The following TCTN3 variants were observed in gnomAD, a reference collection of about 807,000 sequenced individuals.
The protein encoded by TCTN3 is tectonic family member 3.
TCTN3 carries 57 observed loss-of-function variants against 71.3 expected under a neutral mutation model. The ratio of observed to expected loss-of-function variants is 0.80; its 90% confidence interval spans 0.65 to 1.00. The LOEUF (loss-of-function observed/expected upper bound fraction) is 1.00. TCTN3 is among the 50% of genes least tolerant of loss of function. The pLI is 0.00. For missense variants in TCTN3, 696 were observed against 719.9 expected (o/e 0.97, Z 0.38); for synonymous variants, 258 against 267.8 (o/e 0.96, Z 0.36).
chr10:95,675,371 T>C (rs1294797934), intron 13 of TCTN3, among the ~76,000 whole-genome samples: 1 of 152,164 alleles, frequency 6.6e-6, no homozygotes, highest in Non-Finnish European at 1.5e-5. Flanking sequence ...GGATTACAGG[T>C]GTGAGCCACC....
At chr10:95,674,296 T>C (rs1303805504) in intron 13 of TCTN3, among the ~76,000 whole-genome samples, 1 of 152,186 alleles carries the variant, frequency 6.6e-6, no homozygotes, top group Non-Finnish European at 1.5e-5. Flanking sequence ...ATATTGTAAA[T>C]GAAACTGAAT....
At position 95,693,472 on chromosome 10, in the gene TCTN3, T is replaced by C. The variant is rs1191521481; in HGVS notation, c.261A>G (p.Leu87=). 2 of 1,552,176 alleles carry C rather than the reference T, an allele frequency of 1.3e-6. No homozygotes were observed. The highest frequency in any genetic ancestry group is 4.9e-5 in the East Asian group (2 of 40,920). Residue 87 remains leucine (L), a synonymous_variant, in exon 2 of 14, where the codon TTA becomes TTG. Transcript: ENST00000371217. ...GNRTVDLFPV[L]PICVCDLTPG... ...GAGTCAAGTCACAGACACAGATCGG[T>C]AAGACTATGAAAGTACGACACAGAG...
At chr10:95,675,275 T>G (rs911207476) in intron 13 of TCTN3, among the ~76,000 whole-genome samples, 1 of 152,104 alleles carries the variant, frequency 6.6e-6, no homozygotes, top group African/African-American at 2.4e-5. Flanking sequence ...GTATTTTCAA[T>G]AGAGACAGGG....
intron 12 of TCTN3, among the ~76,000 whole-genome samples, chr10:95,681,574 T>C (rs946453123): frequency 6.6e-6 from 1 of 152,190 alleles, no homozygotes; most frequent in South Asian, 2.1e-4. Flanking sequence ...GCCTCGAAAG[T>C]TTCCAGAATA....
At chr10:95,692,475 C>T (rs571260550) in intron 3 of TCTN3, among the ~76,000 whole-genome samples, 45 of 151,640 alleles carry the variant, frequency 3.0e-4, no homozygotes, top group Non-Finnish European at 5.3e-4. Context: ...CACTGCACTG[C>T]ACTCCTGGCG....
intron 3 of TCTN3, among the ~76,000 whole-genome samples, chr10:95,691,326 G>GT (rs1156378752): frequency 1.3e-5 from 2 of 151,918 alleles, no homozygotes; most frequent in African/African-American, 2.4e-5. Context: ...ATAATTTTTT[G>GT]TTTTTTTAGT....
intron 12 of TCTN3, among the ~76,000 whole-genome samples, chr10:95,682,150 G>A (rs2097943592): frequency 6.7e-6 from 1 of 149,888 alleles, no homozygotes; most frequent in Admixed American, 6.7e-5. Flanking sequence ...AGCCATGATT[G>A]TGCCACTGCA....
At position 95,683,085 on chromosome 10, in the gene TCTN3, G is replaced by A. The variant is rs777492522; in HGVS notation, c.1298+16C>T. 26 of 1,606,026 alleles carry A rather than the reference G, an allele frequency of 1.6e-5. No individual in the cohort carries two copies. Among genetic ancestry groups the A allele is most frequent in the East Asian group, 8.9e-5 (4 of 44,834 alleles). On this transcript the variant is annotated intron_variant, in intron 11 of 13. Transcript: ENST00000371217. ...TTCCCGAAATTGCAGGAAATGATGC[G>A]GAAGCAAAGAACTACCTGAGCTTGC...
In TCTN3 at chr10:95,683,167, C is replaced by G. The variant is rs140405704; in HGVS notation, c.1232G>C (p.Gly411Ala). 6 of 1,613,942 alleles carry G rather than the reference C, an allele frequency of 3.7e-6. No individual in the cohort carries two copies. The African/African-American group carries it at 8.0e-5, about 22-fold the overall frequency. ...SMTLLQSQGN[G>A]SCSVKRHEVQ... The stretch of plus-strand genomic sequence containing the variant: ...TTCATGTCTTTTAACAGAGCAACTT[C>G]CATTACCCTGGCTCTGTAAGAGGGT... Residue 411 changes from glycine (G) to alanine (A), a missense_variant, in exon 11 of 14, where the codon GGA (glycine) becomes GCA (alanine). Physicochemically the swap from Gly to Ala is moderately conservative, Grantham distance 60. Coordinates refer to ENST00000371217, the MANE Select transcript of TCTN3 (RefSeq NM_015631.6).
chr10:95,680,021 TA>T lies in TCTN3; in HGVS notation c.1590+450del, dbSNP rs1211798246. ...CAATAGGTATATGTTTGCTACAGAT[TA>T]AAAGTGTTCATTTAATGGAGCAGAT... On this transcript the variant is annotated intron_variant, in intron 13 of 13. Coordinates refer to ENST00000371217, the MANE Select transcript of TCTN3 (RefSeq NM_015631.6). Among the ~76,000 whole-genome samples, 5 of 152,352 alleles carry T rather than the reference TA, an allele frequency of 3.3e-5. No individual in the cohort carries two copies. The East Asian group carries it at 9.6e-4, about 29-fold the overall frequency.
chr10:95,674,108 TACCTTCTAGGA>T (rs2097934317), intron 13 of TCTN3, among the ~76,000 whole-genome samples: 1 of 152,216 alleles, frequency 6.6e-6, no homozygotes, highest in African/African-American at 2.4e-5. Flanking sequence ...TCTACAAAAA[TACCTTCTAGGA>T]TTTTATTGGG....
chr10:95,665,403 C>G (rs1339147692), intron 13 of TCTN3, among the ~76,000 whole-genome samples: 1 of 152,110 alleles, frequency 6.6e-6, no homozygotes, highest in African/African-American at 2.4e-5. Context: ...CTCAGCCTCC[C>G]AAGTAGCTGG....
At chr10:95,692,899 A>C (rs764194004) in intron 3 of TCTN3, 21 bp downstream of exon 3, 1 of 1,554,484 alleles carries the variant, frequency 6.4e-7, no homozygotes, top group East Asian at 2.2e-5. Context: ...AAATGAGAAC[A>C]ACCAACATGT....
intron 7 of TCTN3, among the ~76,000 whole-genome samples, chr10:95,686,284 A>ACTT (rs1555270175): frequency 6.6e-6 from 1 of 152,194 alleles, no homozygotes; most frequent in African/African-American, 2.4e-5. Context: ...ATGTTTACAA[A>ACTT]CTTATCTAAC....
In TCTN3 at chr10:95,687,337, T is replaced by G. The variant is rs1159511735; in HGVS notation, c.646A>C (p.Thr216Pro). The G allele has an allele frequency of 6.2e-7, 1 of 1,613,590 alleles. No individual in the cohort carries two copies. The highest frequency in any genetic ancestry group is 1.1e-5 in the South Asian group (1 of 90,968). The change falls in exon 5 of 14, where the codon ACT becomes CCT. Residue 216 changes from threonine to proline, a missense_variant. Thr to Pro is a conservative substitution (Grantham distance 38, BLOSUM62 -1). Coordinates refer to ENST00000371217, the MANE Select transcript of TCTN3 (RefSeq NM_015631.6). ...ATTACAGACCACTTGGGGAAGTAAG[T>G]AAGAATGGGGTCCCCAGCCTGAATA... is the stretch of plus-strand genomic sequence containing the variant. ...SFYRAGDPIL[T>P]YFPKWSVISL... is the part of the protein sequence containing the mutation.
intron 13 of TCTN3, among the ~76,000 whole-genome samples, chr10:95,666,215 A>G (rs1005334806): frequency 5.3e-5 from 8 of 150,754 alleles, no homozygotes; most frequent in Non-Finnish European, 1.2e-4. Flanking sequence ...TGCTGGGATT[A>G]CAGGTGTGAG....
At chr10:95,668,728 G>A (rs1297427880) in intron 13 of TCTN3, among the ~76,000 whole-genome samples, 1 of 152,166 alleles carries the variant, frequency 6.6e-6, no homozygotes, top group Non-Finnish European at 1.5e-5. Context: ...CCAGTAAACA[G>A]TGAATCTAAG....
At chr10:95,686,627 G>A (rs2097948552) in intron 6 of TCTN3, 97 bp from the exon 7 acceptor site, 8 of 1,155,746 alleles carry the variant, frequency 6.9e-6, no homozygotes, top group East Asian at 2.4e-5. Flanking sequence ...TTGGTTTGGC[G>A]GGCAGGGGAG....
intron 13 of TCTN3, among the ~76,000 whole-genome samples, chr10:95,669,854 G>C (rs952979367): frequency 5.9e-5 from 9 of 151,738 alleles, no homozygotes; most frequent in Non-Finnish European, 1.0e-4. Context: ...ACGAGGTCAG[G>C]AGATCGAGAC....
Sources: allele counts gnomAD v4.1 joint callset (sites outside exome capture counted in the v4.1 genomes callset), GRCh38; gene constraint gnomAD v4.1.1; transcripts MANE v1.5; gene names NCBI Gene and HGNC (gene_info 2026-07-23, HGNC 2026-07-21).